GSG1L: variants seen among roughly 807,000 people sequenced by gnomAD.
The protein encoded by GSG1L is germ cell-specific gene 1-like protein.
A neutral mutation model predicts 42.1 loss-of-function variants in GSG1L; 24 were observed. The observed-to-expected ratio is 0.57, with a 90% CI of 0.41 to 0.80. GSG1L has a LOEUF of 0.80. Among genes scored for constraint, GSG1L ranks in the 30% least tolerant of loss-of-function variants. GSG1L has a pLI of 0.00. For missense variants in GSG1L, 445 were observed against 472.2 expected, an observed-to-expected ratio of 0.94 and a Z score of 0.53; for synonymous variants, 215 against 203.5, an observed-to-expected ratio of 1.06 and a Z score of -0.48.
chr16:27,956,511 C>T (rs752118227), intron 2 of GSG1L, among the ~76,000 whole-genome samples: 23 of 152,198 alleles, frequency 1.5e-4, no homozygotes, highest in African/African-American at 5.3e-4. Context: ...CCCACCCATT[C>T]CTCCATGTGA....
chr16:27,795,600 G>C (rs1340536151), intron 6 of GSG1L, among the ~76,000 whole-genome samples: 1 of 152,198 alleles, frequency 6.6e-6, no homozygotes, highest in Non-Finnish European at 1.5e-5. Context: ...GAAGCAGGTT[G>C]GGTTTGAAAG....
intron 5 of GSG1L, among the ~76,000 whole-genome samples, chr16:27,809,575 TG>T (rs2083007154): frequency 7.1e-5 from 8 of 113,000 alleles, no homozygotes; most frequent in African/African-American, 2.8e-4. Flanking sequence ...AGACCCCGTC[TG>T]AGAAAAAAAA....
At chr16:27,881,485 C>T (rs1387012552) in intron 3 of GSG1L, among the ~76,000 whole-genome samples, 1 of 152,026 alleles carries the variant, frequency 6.6e-6, no homozygotes, top group Non-Finnish European at 1.5e-5. Flanking sequence ...CGTGATCCAC[C>T]CTCCTCGGCC....
intron 3 of GSG1L, among the ~76,000 whole-genome samples, chr16:27,863,589 G>A (rs1203795640): frequency 6.6e-6 from 1 of 151,950 alleles, no homozygotes; most frequent in Non-Finnish European, 1.5e-5. Flanking sequence ...ATTTATTTCT[G>A]CCAACTCCAG....
At chr16:27,803,800 G>GATAGATAGATAGATATATAGAT (rs2082917570) in intron 6 of GSG1L, among the ~76,000 whole-genome samples, 2 of 74,246 alleles carry the variant, frequency 2.7e-5, no homozygotes, top group African/African-American at 1.0e-4. Flanking sequence ...TATATAGATA[G>GATAGATAGATAGATATATAGAT]ATAGATATAG....
Position 27,884,692 on chromosome 16 carries a change from C to A in GSG1L, c.398-54G>T. Reference sequence around the variant, plus strand: ...GATGAGGGGCCACCCAAGATAGACTCACCCTGTGCCTATTCCTCCCACAAC... The same window carrying A: ...GATGAGGGGCCACCCAAGATAGACTAACCCTGTGCCTATTCCTCCCACAAC... On this transcript the variant is annotated intron_variant, in intron 2 of 6. Coordinates refer to ENST00000447459, the MANE Select transcript of GSG1L (RefSeq NM_001109763.2). This position sits in a 1 kb window ranked among gnomAD's most constrained non-coding sequence, Gnocchi z 4.4. The A allele has an allele frequency of 6.6e-7, 1 of 1,508,168 alleles. No individual in the cohort carries two copies. Among genetic ancestry groups the A allele is most frequent in the South Asian group, 1.2e-5 (1 of 81,004 alleles). 93.4% of individuals were successfully genotyped at this position (1,508,168 alleles called of 1,614,324 possible).
intron 1 of GSG1L, among the ~76,000 whole-genome samples, chr16:28,013,084 C>A (rs1435981723): frequency 1.3e-5 from 2 of 151,610 alleles, no homozygotes; most frequent in Non-Finnish European, 2.9e-5. Flanking sequence ...ATTAGCCGTG[C>A]ATGGTGGCAT....
intron 6 of GSG1L, among the ~76,000 whole-genome samples, chr16:27,797,896 G>A (rs1320631423): frequency 5.3e-5 from 8 of 151,778 alleles, no homozygotes; most frequent in African/African-American, 1.7e-4. Context: ...GGTAGAGCTG[G>A]AGGCCAGCTC....
chr16:27,835,943 A>G (rs1181916370), intron 4 of GSG1L, among the ~76,000 whole-genome samples: 3 of 152,070 alleles, frequency 2.0e-5, no homozygotes, highest in African/African-American at 7.2e-5. Flanking sequence ...TTTTTCATTC[A>G]TTCTTTCTTA....
intron 2 of GSG1L, among the ~76,000 whole-genome samples, chr16:27,905,110 T>A (rs1187072377): frequency 4.6e-5 from 7 of 152,184 alleles, no homozygotes; most frequent in Non-Finnish European, 1.0e-4. Context: ...AGAAACCCAA[T>A]CATGATTGAG....
chr16:28,032,317 C>A, intron 1 of GSG1L, among the ~76,000 whole-genome samples: 1 of 150,306 alleles, frequency 6.7e-6, no homozygotes, highest in East Asian at 1.9e-4. Context: ...TGCACAATTT[C>A]TTTCCATTCA....
intron 2 of GSG1L, among the ~76,000 whole-genome samples, chr16:27,935,924 G>C (rs1313014544): frequency 6.7e-6 from 1 of 148,806 alleles, no homozygotes; most frequent in Non-Finnish European, 1.5e-5. Context: ...GATGCTGCCT[G>C]GTGAACCCTT....
chr16:27,888,442 TTCTTTCTTTCTTTCTTTCTTTC>T (rs761114097), intron 2 of GSG1L, among the ~76,000 whole-genome samples: 7,079 of 35,318 alleles, frequency 0.2, 609 homozygotes, highest in South Asian at 0.32. Context: ...CTTTCTTTCT[TTCTTTCTTTCTTTCTTTCTTTC>T]TCTCTCTCTC....
intron 1 of GSG1L, among the ~76,000 whole-genome samples, chr16:28,053,275 T>A (rs1447819676): frequency 2.0e-5 from 3 of 152,248 alleles, no homozygotes; most frequent in Non-Finnish European, 4.4e-5. Context: ...TGTGAATGAC[T>A]AATAAAAATA....
In GSG1L at chr16:28,063,440, G is replaced by A. The variant is rs763786697; in HGVS notation, c.-16C>T. On this transcript the variant is annotated 5_prime_UTR_variant, in exon 1 of 7. Coordinates refer to ENST00000447459, the MANE Select transcript of GSG1L (RefSeq NM_001109763.2). This position sits in a 1 kb window ranked among gnomAD's most constrained non-coding sequence, Gnocchi z 5.8. ...TAGTCTTCATGCCGCCCGCGCCGCC[G>A]GGACGGGACTGCACCGCCGGGGAGC... The A allele has an allele frequency of 1.6e-6, 2 of 1,233,206 alleles. No individual in the cohort carries two copies. The highest frequency in any genetic ancestry group is 2.0e-6 in the Non-Finnish European group (2 of 983,028). The allele number at this position is 1,233,206 out of a possible 1,614,324, so 76.4% of individuals were successfully genotyped here.
At chr16:27,875,112 G>A (rs2083871142) in intron 3 of GSG1L, among the ~76,000 whole-genome samples, 1 of 152,134 alleles carries the variant, frequency 6.6e-6, no homozygotes, top group African/African-American at 2.4e-5. Flanking sequence ...CTGTGGCTTT[G>A]GTTAGGCAAT....
intron 1 of GSG1L, among the ~76,000 whole-genome samples, chr16:27,984,206 G>C (rs78988457): frequency 0.038 from 5,857 of 152,216 alleles, 359 homozygotes; most frequent in African/African-American, 0.13. Flanking sequence ...TCTGAGAAAC[G>C]GGATTTGTCA....
chr16:27,862,537 C>T (rs1301780878), intron 3 of GSG1L, among the ~76,000 whole-genome samples: 1 of 152,194 alleles, frequency 6.6e-6, no homozygotes, highest in African/African-American at 2.4e-5. Context: ...TTTTAAGTTG[C>T]TAAGGCCATG....
At chr16:27,824,545 CA>C (rs9302450) in intron 5 of GSG1L, among the ~76,000 whole-genome samples, 106 of 141,616 alleles carry the variant, frequency 7.5e-4, no homozygotes, top group Middle Eastern at 3.8e-3. Context: ...AGGGAAAGCA[CA>C]AAAAAAAAAA....
Sources: gnomAD v4.1 joint callset for allele counts (sites outside exome capture counted in the v4.1 genomes callset) on GRCh38, gnomAD v4.1.1 for gene constraint, Gnocchi (gnomAD v3.1) non-coding constraint, MANE v1.5 for transcripts, NCBI Gene and HGNC (gene_info 2026-07-23, HGNC 2026-07-21) for gene names.